TENM3: variants seen among roughly 807,000 people sequenced by gnomAD.
The protein encoded by TENM3 is teneurin transmembrane protein 3.
Under a neutral mutation model 255.1 loss-of-function variants are expected in TENM3, and 63 were observed. The observed-to-expected ratio is 0.25, with a 90% CI of 0.20 to 0.30. The LOEUF (loss-of-function observed/expected upper bound fraction) is 0.30. TENM3 is among the 10% of genes least tolerant of loss of function. TENM3 has a pLI of 1.00. For synonymous variants in TENM3, 1,306 were observed against 1,322.3 expected (o/e 0.99, Z 0.27); for missense variants, 2,929 against 3,461.1 (o/e 0.85, Z 3.86).
the TENM3 span, among the ~76,000 whole-genome samples, chr4:181,838,945 T>C: frequency 2.0e-5 from 3 of 151,832 alleles, no homozygotes; most frequent in African/African-American, 7.2e-5. Flanking sequence ...TAAAAATGCA[T>C]GTTTTATTTA....
chr4:181,732,363 T>G, the TENM3 span, among the ~76,000 whole-genome samples: 1 of 152,180 alleles, frequency 6.6e-6, no homozygotes, highest in African/African-American at 2.4e-5. Context: ...TCTACTAACT[T>G]GACTCAGGTT....
chr4:182,236,400 G>T (rs1327341920), intron 1 of TENM3, among the ~76,000 whole-genome samples: 1 of 152,054 alleles, frequency 6.6e-6, no homozygotes, highest in Non-Finnish European at 1.5e-5. Flanking sequence ...GAACATGTTT[G>T]GTTAAATAGA....
chr4:182,649,413 C>T lies in TENM3; in HGVS notation c.989-4358C>T, dbSNP rs988190065. On this transcript the variant is annotated intron_variant, in intron 5 of 27. Transcript: ENST00000511685. The stretch of plus-strand genomic sequence containing the variant: ...ATTGCTGTCATCTACAAATTTCATT[C>T]TGCCTTGGATAACATTTTGGATATG... Among the ~76,000 whole-genome samples, 7 of 150,568 alleles carry T rather than the reference C, an allele frequency of 4.6e-5. No homozygotes were observed. In the East Asian group the frequency reaches 1.0e-3, roughly 22 times the overall value.
At chr4:182,459,196 T>C (rs545946544) in intron 3 of TENM3, among the ~76,000 whole-genome samples, 1 of 152,320 alleles carries the variant, frequency 6.6e-6, no homozygotes, top group South Asian at 2.1e-4. Flanking sequence ...TTTACCACAG[T>C]TAATTATATT....
chr4:181,490,189 G>A, the TENM3 span, among the ~76,000 whole-genome samples: 1,365 of 152,102 alleles, frequency 9.0e-3, 17 homozygotes, highest in South Asian at 0.033. Context: ...CACTCTTTTC[G>A]TTATTTTGAA....
the TENM3 span, among the ~76,000 whole-genome samples, chr4:181,998,339 C>T: frequency 7.2e-5 from 11 of 152,210 alleles, no homozygotes; most frequent in Non-Finnish European, 1.3e-4. Flanking sequence ...CAGAGGCCAA[C>T]GCTGAAACAA....
chr4:182,361,870 G>A (rs1766018126), intron 3 of TENM3, among the ~76,000 whole-genome samples: 1 of 152,138 alleles, frequency 6.6e-6, no homozygotes, highest in African/African-American at 2.4e-5. Context: ...GGTCTTTGAT[G>A]ATGGTGATGT....
chr4:182,020,901 TTTTTA>T, the TENM3 span, among the ~76,000 whole-genome samples: 1 of 152,168 alleles, frequency 6.6e-6, no homozygotes, highest in East Asian at 1.9e-4. Context: ...TTCTTTCTTA[TTTTTA>T]TTTTATTTTA....
chr4:182,719,252 C>CTTTTTTTTTTTTTTTTTTTTTTTT (rs11348241), intron 13 of TENM3, among the ~76,000 whole-genome samples: 2 of 80,822 alleles, frequency 2.5e-5, no homozygotes, highest in African/African-American at 5.3e-5. Flanking sequence ...TTTTTTTTTT[C>CTTTTTTTTTTTTTTTTTTTTTTTT]TTTTTTTTTT....
At chr4:182,017,960 A>G in the TENM3 span, among the ~76,000 whole-genome samples, 2 of 152,222 alleles carry the variant, frequency 1.3e-5, no homozygotes, top group Non-Finnish European at 2.9e-5. Flanking sequence ...GGAGCTTATG[A>G]TATTATATGC....
chr4:182,466,853 G>GTTT (rs57656357), intron 3 of TENM3, among the ~76,000 whole-genome samples: 6 of 143,810 alleles, frequency 4.2e-5, no homozygotes, highest in East Asian at 2.0e-4. Flanking sequence ...GCTGTCTTCA[G>GTTT]TTTTTTTTTT....
the TENM3 span, among the ~76,000 whole-genome samples, chr4:181,573,558 G>A: frequency 0.035 from 5,264 of 152,170 alleles, 316 homozygotes; most frequent in African/African-American, 0.12. Context: ...ATATGAATTA[G>A]TGAAAGCATG....
the TENM3 span, among the ~76,000 whole-genome samples, chr4:181,767,952 G>A: frequency 4.9e-5 from 2 of 40,968 alleles, no homozygotes; most frequent in Non-Finnish European, 2.6e-4. Context: ...ATGTGTAACT[G>A]ATTGCAAAAT....
At chr4:181,835,638 C>T in the TENM3 span, among the ~76,000 whole-genome samples, 1 of 152,144 alleles carries the variant, frequency 6.6e-6, no homozygotes, top group South Asian at 2.1e-4. Context: ...ATTGCATATT[C>T]AGCTAAAATC....
At chr4:182,464,313 G>A (rs934322299) in intron 3 of TENM3, among the ~76,000 whole-genome samples, 4 of 152,148 alleles carry the variant, frequency 2.6e-5, no homozygotes, top group Non-Finnish European at 5.9e-5. Context: ...CTAGAGTGCA[G>A]TGGTGCAATC....
the TENM3 span, among the ~76,000 whole-genome samples, chr4:182,082,737 T>G: frequency 2.0e-5 from 3 of 152,182 alleles, no homozygotes; most frequent in African/African-American, 7.2e-5. Flanking sequence ...TGATGCCACG[T>G]GTGTTTTCAA....
intron 3 of TENM3, among the ~76,000 whole-genome samples, chr4:182,581,529 G>A (rs1745494592): frequency 6.6e-6 from 1 of 152,112 alleles, no homozygotes; most frequent in Admixed American, 6.5e-5. Flanking sequence ...CCTGAGGTCA[G>A]GAGTTCAAGA....
the TENM3 span, among the ~76,000 whole-genome samples, chr4:181,493,344 A>G: frequency 6.6e-6 from 1 of 151,242 alleles, no homozygotes; most frequent in African/African-American, 2.4e-5. Flanking sequence ...AAATGTAAGC[A>G]TGCCAAAAGA....
At chr4:182,255,759 C>T (rs1171804055) in intron 1 of TENM3, among the ~76,000 whole-genome samples, 1 of 152,152 alleles carries the variant, frequency 6.6e-6, no homozygotes, top group Non-Finnish European at 1.5e-5. Flanking sequence ...TTAGAGTGAT[C>T]AAGACTAGTT....
Sources: gnomAD v4.1 joint callset for allele counts (sites outside exome capture counted in the v4.1 genomes callset) on GRCh38, gnomAD v4.1.1 for gene constraint, MANE v1.5 for transcripts, NCBI Gene and HGNC (gene_info 2026-07-23, HGNC 2026-07-21) for gene names.